The following PPP4R2 variants were observed in gnomAD, a reference collection of about 807,000 sequenced individuals.
PPP4R2 encodes the protein protein phosphatase 4 regulatory subunit 2.
PPP4R2 carries 13 observed loss-of-function variants against 47.2 expected under a neutral mutation model. That is an observed-to-expected ratio of 0.28 (90% CI 0.18 to 0.44). PPP4R2 has a LOEUF of 0.44. Among genes scored for constraint, PPP4R2 ranks in the 20% least tolerant of loss-of-function variants. PPP4R2 has a pLI of 1.00. For synonymous variants in PPP4R2, 151 were observed against 163.3 expected (o/e 0.92, Z 0.57); for missense variants, 421 against 491.2 (o/e 0.86, Z 1.35).
intron 2 of PPP4R2, among the ~76,000 whole-genome samples, chr3:73,024,454 C>T (rs1301989474): frequency 1.3e-5 from 2 of 152,114 alleles, no homozygotes; most frequent in Non-Finnish European, 2.9e-5. Flanking sequence ...CCTAAATTCT[C>T]TGAATATTTT....
intron 2 of PPP4R2, among the ~76,000 whole-genome samples, chr3:73,019,919 TA>T (rs1383530768): frequency 2.0e-5 from 3 of 152,184 alleles, no homozygotes; most frequent in African/African-American, 7.2e-5. Flanking sequence ...CACTCTATAT[TA>T]GGGGTATTTT....
chr3:73,040,556 G>T (rs1419025279), intron 2 of PPP4R2, among the ~76,000 whole-genome samples: 1 of 145,742 alleles, frequency 6.9e-6, no homozygotes, highest in Non-Finnish European at 1.5e-5. Flanking sequence ...CTGGAGTGCA[G>T]TGCAGTGGCA....
intron 2 of PPP4R2, among the ~76,000 whole-genome samples, chr3:73,008,250 T>C (rs1437277774): frequency 2.0e-5 from 3 of 152,200 alleles, no homozygotes; most frequent in African/African-American, 7.2e-5. Flanking sequence ...GGAAGCACAA[T>C]AGATTTTCAG....
intron 5 of PPP4R2, chr3:73,063,040 G>A (rs985313010): frequency 2.4e-6 from 2 of 820,384 alleles, no homozygotes; most frequent in Non-Finnish European, 3.9e-6. Flanking sequence ...GGTTAAAAAG[G>A]CATTGGGGAA....
chr3:73,012,179 A>G (rs902979560), intron 2 of PPP4R2, among the ~76,000 whole-genome samples: 4 of 152,244 alleles, frequency 2.6e-5, no homozygotes, highest in Admixed American at 2.0e-4. Context: ...GTGCATCTCT[A>G]GATTACTTAT....
intron 2 of PPP4R2, among the ~76,000 whole-genome samples, chr3:73,035,324 G>A (rs918373385): frequency 6.6e-6 from 1 of 152,052 alleles, no homozygotes; most frequent in Non-Finnish European, 1.5e-5. Context: ...CACTTGAGCC[G>A]AGGAGGCAGA....
At chr3:73,004,842 G>A (rs1441788534) in intron 2 of PPP4R2, among the ~76,000 whole-genome samples, 2 of 110,586 alleles carry the variant, frequency 1.8e-5, no homozygotes, top group African/African-American at 9.1e-5. Context: ...AATACAGTGT[G>A]GGGTGTGTGT....
intron 2 of PPP4R2, among the ~76,000 whole-genome samples, chr3:73,042,365 T>C (rs1458005906): frequency 7.2e-6 from 1 of 138,986 alleles, no homozygotes; most frequent in African/African-American, 2.8e-5. Context: ...TAATTTCTTT[T>C]TTTTTTTTTT....
chr3:73,022,664 T>C (rs996750305), intron 2 of PPP4R2, among the ~76,000 whole-genome samples: 1 of 152,166 alleles, frequency 6.6e-6, no homozygotes, highest in Non-Finnish European at 1.5e-5. Flanking sequence ...TTTAAGAACG[T>C]CAATAAATAT....
At chr3:73,035,030 T>A (rs1406299033) in intron 2 of PPP4R2, among the ~76,000 whole-genome samples, 1 of 152,198 alleles carries the variant, frequency 6.6e-6, no homozygotes. Flanking sequence ...ATTTGCCAAC[T>A]ATCTTTCTGA....
At chr3:73,033,506 ATGGATTGCT>A (rs1278215027) in intron 2 of PPP4R2, among the ~76,000 whole-genome samples, 4 of 152,184 alleles carry the variant, frequency 2.6e-5, no homozygotes, top group Non-Finnish European at 5.9e-5. Context: ...GGAATTATTT[ATGGATTGCT>A]TGGTTGAGGC....
chr3:73,040,756 G>T (rs1702362149), intron 2 of PPP4R2, among the ~76,000 whole-genome samples: 1 of 152,068 alleles, frequency 6.6e-6, no homozygotes, highest in Non-Finnish European at 1.5e-5. Flanking sequence ...CAGGTGATCT[G>T]CCTGCCTCAG....
chr3:73,046,684 C>CT (rs1204182697), intron 2 of PPP4R2, among the ~76,000 whole-genome samples: 1 of 151,724 alleles, frequency 6.6e-6, no homozygotes, highest in African/African-American at 2.4e-5. Context: ...ACAAAAGAGC[C>CT]TGAAGATATT....
intron 3 of PPP4R2, among the ~76,000 whole-genome samples, chr3:73,056,141 C>T (rs1173202551): frequency 1.3e-5 from 2 of 152,146 alleles, no homozygotes; most frequent in African/African-American, 4.8e-5. Flanking sequence ...GAGAGCAGAG[C>T]TTTCATATAC....
At chr3:73,030,537 C>CCAG (rs1383354102) in intron 2 of PPP4R2, among the ~76,000 whole-genome samples, 1 of 151,640 alleles carries the variant, frequency 6.6e-6, no homozygotes, top group African/African-American at 2.4e-5. Context: ...TCAAGATCAG[C>CCAG]CAGCATGGTT....
At chr3:73,000,808 C>G (rs1701442654) in intron 2 of PPP4R2, among the ~76,000 whole-genome samples, 1 of 152,122 alleles carries the variant, frequency 6.6e-6, no homozygotes, top group Admixed American at 6.5e-5. Flanking sequence ...TGACATCATG[C>G]TAAATATATA....
rs931234065 is a variant in PPP4R2, at chr3:73,002,758, C to T, written c.116+4600C>T. Among the ~76,000 whole-genome samples the T allele has an allele frequency of 6.6e-5, 10 of 150,842 alleles. No individual in the cohort carries two copies. The South Asian group carries it at 1.5e-3, about 22-fold the overall frequency. ...CTGGGTTCAAGCGATTTTCCTGCCT[C>T]AGCCTCGTGAGTAGCTGGGATTACA... On this transcript the variant is annotated intron_variant, in intron 2 of 8. Coordinates refer to ENST00000356692, the MANE Select transcript of PPP4R2 (RefSeq NM_174907.4).
At chr3:73,063,028 A>G in intron 5 of PPP4R2, 1 of 909,136 alleles carries the variant, frequency 1.1e-6, no homozygotes, top group South Asian at 1.7e-5. Flanking sequence ...AAAAAAAACA[A>G]TGGTTAAAAA....
intron 3 of PPP4R2, among the ~76,000 whole-genome samples, chr3:73,048,122 G>T (rs954119414): frequency 6.6e-6 from 1 of 152,100 alleles, no homozygotes; most frequent in African/African-American, 2.4e-5. Flanking sequence ...TGATCCGCCT[G>T]CCTCGGCCTC....
Sources: gnomAD v4.1 joint callset for allele counts (sites outside exome capture counted in the v4.1 genomes callset) on GRCh38, gnomAD v4.1.1 for gene constraint, MANE v1.5 for transcripts, NCBI Gene and HGNC (gene_info 2026-07-23, HGNC 2026-07-21) for gene names.